SGK1: variants seen among roughly 807,000 people sequenced by gnomAD.
The protein encoded by SGK1 is serine/threonine-protein kinase Sgk1.
In SGK1, 26 loss-of-function variants were observed where a neutral mutation model predicts 64.2. The observed-to-expected ratio is 0.40, with a 90% CI of 0.30 to 0.56. The LOEUF is 0.56. Among genes scored for constraint, SGK1 ranks in the 20% least tolerant of loss-of-function variants. SGK1 has a pLI of 0.38. For missense variants in SGK1, 519 were observed against 645.6 expected (o/e 0.80, Z 2.12); for synonymous variants, 265 against 239.7 (o/e 1.11, Z -0.98).
chr6:134,311,470 C>T (rs1777607252), intron 1 of SGK1, among the ~76,000 whole-genome samples: 1 of 151,914 alleles, frequency 6.6e-6, no homozygotes, highest in African/African-American at 2.4e-5. Context: ...TGGTGAAACC[C>T]TGTCTCTACT....
chr6:134,233,712 C>A (rs1009762751), intron 2 of SGK1, among the ~76,000 whole-genome samples: 1 of 151,694 alleles, frequency 6.6e-6, no homozygotes, highest in Non-Finnish European at 1.5e-5. Flanking sequence ...ATAATTCATG[C>A]AGAAATAGGC....
intron 1 of SGK1, chr6:134,297,318 C>T (rs1777371953): frequency 2.5e-6 from 3 of 1,219,814 alleles, no homozygotes; most frequent in East Asian, 2.6e-5. Flanking sequence ...ACGCAGCTAT[C>T]GCGCCATGTC....
Position 134,273,739 on chromosome 6 carries a change from A to C in SGK1, c.70-11591T>G, listed in dbSNP as rs980657726. On this transcript the variant is annotated intron_variant, in intron 1 of 13. Coordinates refer to ENST00000367858, the MANE Select transcript of SGK1 (RefSeq NM_001143676.3). ...CTGAGATGAATAGAAAACAAGCTCC[A>C]AAAAGGAGAGGCAAGAACTAAAGCT... is the stretch of plus-strand genomic sequence containing the variant. Among the ~76,000 whole-genome samples the C allele has an allele frequency of 8.5e-5, 13 of 152,142 alleles. 1 individual carries two copies. Among genetic ancestry groups the C allele is most frequent in the African/African-American group, 2.9e-4 (12 of 41,510 alleles).
intron 2 of SGK1, among the ~76,000 whole-genome samples, chr6:134,244,521 G>A (rs1459402415): frequency 6.6e-6 from 1 of 152,092 alleles, no homozygotes; most frequent in African/African-American, 2.4e-5. Flanking sequence ...GGATAGCACC[G>A]TCCCTCACGG....
chr6:134,263,650 A>G (rs537092974), intron 1 of SGK1, among the ~76,000 whole-genome samples: 7 of 152,320 alleles, frequency 4.6e-5, no homozygotes, highest in African/African-American at 1.4e-4. Flanking sequence ...TAAAATCCCT[A>G]TAAGATACAG....
intron 2 of SGK1, among the ~76,000 whole-genome samples, chr6:134,236,901 G>A (rs928207031): frequency 6.6e-5 from 10 of 152,084 alleles, no homozygotes; most frequent in Admixed American, 6.6e-4. Context: ...AGCCATCACT[G>A]CTATTTTAAA....
In SGK1 at chr6:134,240,038, T is replaced by A. The variant is rs116856504; in HGVS notation, c.285+21895A>T. Among the ~76,000 whole-genome samples, 206 of 152,192 alleles carry A rather than the reference T, an allele frequency of 1.4e-3. 6 individuals carry two copies. The East Asian group carries it at 0.035, about 26-fold the overall frequency. The stretch of plus-strand genomic sequence containing the variant: ...CAGGCGCAGTGGCTCACGCCTGTAA[T>A]CCCAGCACGTTGGGGGGCCATGATG... On this transcript the variant is annotated intron_variant, in intron 2 of 13. Coordinates refer to ENST00000367858, the MANE Select transcript of SGK1 (RefSeq NM_001143676.3).
chr6:134,220,999 T>A (rs532952078), intron 2 of SGK1, among the ~76,000 whole-genome samples: 258 of 140,956 alleles, frequency 1.8e-3, no homozygotes, highest in Non-Finnish European at 3.2e-3. Flanking sequence ...AAAAAAAAAA[T>A]TTTATTAAAA....
intron 1 of SGK1, among the ~76,000 whole-genome samples, chr6:134,289,006 T>G (rs1777224419): frequency 6.6e-6 from 1 of 152,218 alleles, no homozygotes; most frequent in South Asian, 2.1e-4. Context: ...CTCAGATTTT[T>G]TCCACAGATA....
intron 3 of SGK1, among the ~76,000 whole-genome samples, chr6:134,192,851 G>A (rs566523806): frequency 2.8e-4 from 42 of 152,064 alleles, no homozygotes; most frequent in Non-Finnish European, 4.7e-4. Context: ...GAGCCACTGC[G>A]CCCTCCTGGT....
intron 3 of SGK1, chr6:134,180,332 T>C (rs998243215): frequency 6.6e-6 from 1 of 152,212 alleles, no homozygotes; most frequent in Non-Finnish European, 1.5e-5. Flanking sequence ...ATCTTGGCAA[T>C]GTTGTCAATG....
intron 3 of SGK1, among the ~76,000 whole-genome samples, chr6:134,185,587 TGTA>T (rs1282491787): frequency 3.3e-5 from 5 of 151,740 alleles, no homozygotes; most frequent in Admixed American, 6.6e-5. Flanking sequence ...TGTGTGTGTG[TGTA>T]TTAGTTTTCT....
Position 134,288,639 on chromosome 6 carries a change from T to C in SGK1, c.70-26491A>G, listed in dbSNP as rs117051249. Among the ~76,000 whole-genome samples, 123 of 152,306 alleles carry C rather than the reference T, an allele frequency of 8.1e-4. 4 individuals carry two copies. The East Asian group carries it at 0.022, about 27-fold the overall frequency. On this transcript the variant is annotated intron_variant, in intron 1 of 13. Coordinates refer to ENST00000367858, the MANE Select transcript of SGK1 (RefSeq NM_001143676.3). ...CTCTGTGAATCATAAGGAGAACTGA[T>C]TGCAAAACCAGAAGCCAGCAGAAAC...
chr6:134,229,174 AAG>A (rs1312069854), intron 2 of SGK1, among the ~76,000 whole-genome samples: 2 of 152,258 alleles, frequency 1.3e-5, no homozygotes, highest in Non-Finnish European at 2.9e-5. Flanking sequence ...GGGCCTGCAG[AAG>A]AGAGATACTA....
intron 3 of SGK1, among the ~76,000 whole-genome samples, chr6:134,179,943 G>A (rs1044198412): frequency 5.9e-5 from 9 of 151,928 alleles, no homozygotes. Flanking sequence ...GGAATGAGAA[G>A]CTTTTTTTGT....
intron 3 of SGK1, among the ~76,000 whole-genome samples, chr6:134,202,802 TA>T (rs1210082283): frequency 6.6e-6 from 1 of 152,216 alleles, no homozygotes; most frequent in Non-Finnish European, 1.5e-5. Flanking sequence ...ATTTTCCCCT[TA>T]TTTTTTAAAA....
chr6:134,199,821 G>A (rs1775654466), intron 3 of SGK1, among the ~76,000 whole-genome samples: 1 of 152,122 alleles, frequency 6.6e-6, no homozygotes, highest in Non-Finnish European at 1.5e-5. Context: ...TGGTAGAATT[G>A]TCTTGTTAAA....
chr6:134,195,349 C>G (rs917386818), intron 3 of SGK1, among the ~76,000 whole-genome samples: 3 of 152,172 alleles, frequency 2.0e-5, no homozygotes, highest in African/African-American at 7.2e-5. Flanking sequence ...ACAGATTTTG[C>G]TCCAATTGGA....
intron 2 of SGK1, among the ~76,000 whole-genome samples, chr6:134,237,759 G>A (rs535936592): frequency 7.2e-5 from 11 of 152,230 alleles, no homozygotes; most frequent in African/African-American, 2.2e-4. Flanking sequence ...CTTTTCTTTT[G>A]TAGCTTTGTT....
Sources: gnomAD v4.1 joint callset for allele counts (sites outside exome capture counted in the v4.1 genomes callset) on GRCh38, gnomAD v4.1.1 for gene constraint, MANE v1.5 for transcripts, NCBI Gene and HGNC (gene_info 2026-07-23, HGNC 2026-07-21) for gene names.